Variants in NR3C1 observed in about 807,000 individuals in gnomAD.
NR3C1 encodes nuclear receptor subfamily 3 group C member 1, also known as glucocorticoid receptor.
In NR3C1, 14 loss-of-function variants were observed where a neutral mutation model predicts 74.0. That is an observed-to-expected ratio of 0.19 (90% CI 0.12 to 0.30). The LOEUF (loss-of-function observed/expected upper bound fraction) is 0.30, where lower values mean the gene tolerates loss of function less well. Among genes scored for constraint, NR3C1 ranks in the 10% least tolerant of loss-of-function variants. The probability of loss-of-function intolerance (pLI) is 1.00; values close to 1 mark genes in which losing one functional copy is unlikely to be tolerated. For missense variants in NR3C1, 695 were observed against 909.8 expected (o/e 0.76, Z 3.04); for synonymous variants, 308 against 332.5 (o/e 0.93, Z 0.80).
At chr5:143,393,317 T>C (rs796216927) in intron 2 of NR3C1, among the ~76,000 whole-genome samples, 1 of 152,152 alleles carries the variant, frequency 6.6e-6, no homozygotes, top group Non-Finnish European at 1.5e-5. Context: ...CCTCATCAAA[T>C]TGACGGGTTA....
chr5:143,434,418 A>C, intron 1 of NR3C1: 1 of 414,190 alleles, frequency 2.4e-6, no homozygotes, highest in Non-Finnish European at 3.2e-6. Flanking sequence ...ACACAACATC[A>C]GCCTTGTGAT....
In NR3C1 at chr5:143,354,054, C is replaced by T. The variant is rs114702714; in HGVS notation, c.1185-39886G>A. ...TTCACCTTACACTTTTATGTTACAGCGCTGGCTTCTTTCCCTAAACCTCAT... is the reference window on the plus strand; with the variant it reads ...TTCACCTTACACTTTTATGTTACAGTGCTGGCTTCTTTCCCTAAACCTCAT... On this transcript the variant is annotated intron_variant, in intron 2 of 8. Coordinates refer to ENST00000394464, the MANE Select transcript of NR3C1 (RefSeq NM_000176.3). Among the ~76,000 whole-genome samples, 1,459 of 152,332 alleles carry T rather than the reference C, an allele frequency of 9.6e-3. 11 individuals carry two copies. Among genetic ancestry groups the T allele is most frequent in the Middle Eastern group, 0.031 (9 of 294 alleles).
chr5:143,341,053 T>C (rs1327837354), intron 2 of NR3C1, among the ~76,000 whole-genome samples: 2 of 152,222 alleles, frequency 1.3e-5, no homozygotes, highest in Non-Finnish European at 2.9e-5. Context: ...TTCTTCAGTC[T>C]GTGGGCAAAC....
intron 2 of NR3C1, among the ~76,000 whole-genome samples, chr5:143,391,611 G>A (rs1838230792): frequency 6.6e-6 from 1 of 151,900 alleles, no homozygotes; most frequent in Non-Finnish European, 1.5e-5. Context: ...TATCACTATG[G>A]CTATTATGTA....
chr5:143,417,675 C>G (rs1009698860), intron 1 of NR3C1, among the ~76,000 whole-genome samples: 5 of 152,200 alleles, frequency 3.3e-5, no homozygotes, highest in Non-Finnish European at 7.4e-5. Context: ...AGGCACACCC[C>G]AAGCAGAAAG....
chr5:143,283,490 T>G (rs1393664370), intron 7 of NR3C1, among the ~76,000 whole-genome samples: 1 of 152,228 alleles, frequency 6.6e-6, no homozygotes, highest in Non-Finnish European at 1.5e-5. Flanking sequence ...ATTCTAGTAC[T>G]GAGATAGATA....
At chr5:143,417,446 C>T (rs1173628471) in intron 1 of NR3C1, among the ~76,000 whole-genome samples, 1 of 152,054 alleles carries the variant, frequency 6.6e-6, no homozygotes, top group South Asian at 2.1e-4. Context: ...TGAGACTCTA[C>T]CTCCTAGTAG....
At chr5:143,352,548 A>C (rs1417551068) in intron 2 of NR3C1, among the ~76,000 whole-genome samples, 2 of 152,144 alleles carry the variant, frequency 1.3e-5, no homozygotes, top group African/African-American at 4.8e-5. Context: ...AATAATATTA[A>C]TACAGGCATA....
At chr5:143,364,029 C>A (rs1321521617) in intron 2 of NR3C1, among the ~76,000 whole-genome samples, 1 of 151,990 alleles carries the variant, frequency 6.6e-6, no homozygotes, top group African/African-American at 2.4e-5. Flanking sequence ...TGATGAAATA[C>A]ATCTACAAAG....
rs186936077 is a variant in NR3C1, at chr5:143,281,927, T to C, written c.2296A>G (p.Asn766Asp). The change falls in exon 9 of 9, where the codon AAT (asparagine) becomes GAT (aspartate). Residue 766 changes from asparagine to aspartate, a missense_variant. By Grantham distance (23) the Asn-to-Asp change is conservative. This residue lies in a region of NR3C1 where 133 missense variants were observed against 287.9 expected (regional missense o/e 0.46). Coordinates refer to ENST00000394464, the MANE Select transcript of NR3C1 (RefSeq NM_000176.3). ...AACAGAAGTTTTTTGATATTTCCAT[T>C]TGAATATTTTGGTATCTGATTGGTG... ...IITNQIPKYSNGNIKKLLFHQ... is the reference protein window; with the variant it reads ...IITNQIPKYSDGNIKKLLFHQ... The C allele has an allele frequency of 1.2e-6, 2 of 1,613,578 alleles. No individual in the cohort carries two copies. The highest frequency in any genetic ancestry group is 2.2e-5 in the East Asian group (1 of 44,812).
intron 4 of NR3C1, among the ~76,000 whole-genome samples, chr5:143,306,959 C>CG (rs1211946705): frequency 7.7e-6 from 1 of 130,160 alleles, no homozygotes; most frequent in African/African-American, 2.9e-5. Context: ...TGCAGTGGCG[C>CG]GATCTTGGCT....
intron 1 of NR3C1, among the ~76,000 whole-genome samples, chr5:143,424,359 G>T (rs923799611): frequency 6.6e-6 from 1 of 152,054 alleles, no homozygotes. Context: ...AAATAACTAA[G>T]AGTGGAATTG....
At position 143,403,322 on chromosome 5, in the gene NR3C1, T is replaced by C. The variant is rs917688099; in HGVS notation, c.-125A>G. 2.2e-5 allele frequency: 22 copies of C among 985,108 alleles called. No individual in the cohort carries two copies. The South Asian group carries it at 5.2e-4, about 23-fold the overall frequency. 61.0% of individuals were successfully genotyped at this position (985,108 alleles called of 1,614,324 possible). A position where few individuals can be genotyped will look rare whatever the true frequency, so the allele number is the denominator to read the frequency against. ...GCAGGAGGGAAATATATTTTTTTTT[T>C]CTAAAAAAAGGAAGTAAACAGCCGC... On this transcript the variant is annotated 5_prime_UTR_variant, in exon 1 of 9. Coordinates refer to ENST00000394464, the MANE Select transcript of NR3C1 (RefSeq NM_000176.3).
upstream of NR3C1, chr5:143,404,541 C>T (rs1840949065): frequency 1.5e-5 from 14 of 951,484 alleles, no homozygotes; most frequent in Non-Finnish European, 1.7e-5. Context: ...TTCCCCGAGT[C>T]TGCGAGGCGG....
chr5:143,314,224 C>T lies in NR3C1; in HGVS notation c.1185-56G>A, dbSNP rs72481834. ...TAACTGTCAAAGGAATATCAAAATACAGTTCTCTTAGCTTCTCACTTCATA... is the reference window on the plus strand; with the variant it reads ...TAACTGTCAAAGGAATATCAAAATATAGTTCTCTTAGCTTCTCACTTCATA... On this transcript the variant is annotated intron_variant, in intron 2 of 8. Coordinates refer to ENST00000394464, the MANE Select transcript of NR3C1 (RefSeq NM_000176.3). 168 of 1,573,498 alleles carry T rather than the reference C, an allele frequency of 1.1e-4. 2 individuals carry two copies. The East Asian group carries it at 2.0e-3, about 19-fold the overall frequency.
chr5:143,432,654 G>T (rs562740270), intron 1 of NR3C1, among the ~76,000 whole-genome samples: 2 of 152,188 alleles, frequency 1.3e-5, no homozygotes, highest in African/African-American at 4.8e-5. Flanking sequence ...CTATTAAAGC[G>T]TACGGTTCCC....
At chr5:143,311,133 A>G (rs2151607196) in intron 3 of NR3C1, among the ~76,000 whole-genome samples, 1 of 152,312 alleles carries the variant, frequency 6.6e-6, no homozygotes, top group Middle Eastern at 3.4e-3. Flanking sequence ...TTTGTACTCT[A>G]TAAATATCCT....
At chr5:143,286,526 C>A (rs942307450) in intron 7 of NR3C1, among the ~76,000 whole-genome samples, 2 of 152,004 alleles carry the variant, frequency 1.3e-5, no homozygotes, top group African/African-American at 4.8e-5. Context: ...TCTTGAGGCA[C>A]AAAAGCATAT....
chr5:143,302,421 A>C (rs1356649948), intron 4 of NR3C1, among the ~76,000 whole-genome samples: 1 of 152,110 alleles, frequency 6.6e-6, no homozygotes, highest in African/African-American at 2.4e-5. Context: ...TGAAATCTTG[A>C]TCCAAAATCA....
Sources: allele counts gnomAD v4.1 joint callset (sites outside exome capture counted in the v4.1 genomes callset), GRCh38; gene constraint gnomAD v4.1.1; regional missense constraint gnomAD v4.1.1; transcripts MANE v1.5; gene names NCBI Gene and HGNC (gene_info 2026-07-23, HGNC 2026-07-21).